Variants in GRIK1 observed in about 807,000 individuals in gnomAD.
The protein encoded by GRIK1 is glutamate receptor ionotropic, kainate 1.
In GRIK1, 69 loss-of-function variants were observed where a neutral mutation model predicts 105.7. That is an observed-to-expected ratio of 0.65 (90% CI 0.54 to 0.80). The LOEUF is 0.80. Ranked by LOEUF, GRIK1 falls within the 30% of genes least tolerant of loss-of-function variation. GRIK1 has a pLI of 0.00. For missense variants in GRIK1, 1,109 were observed against 1,167.3 expected (o/e 0.95, Z 0.73); for synonymous variants, 438 against 431.3 (o/e 1.02, Z -0.19).
At chr21:29,645,845 A>G (rs914254746) in intron 6 of GRIK1, among the ~76,000 whole-genome samples, 2 of 152,212 alleles carry the variant, frequency 1.3e-5, no homozygotes, top group Non-Finnish European at 2.9e-5. Flanking sequence ...ACATTGCTCA[A>G]TGACCCTAAG....
intron 4 of GRIK1, 63 bp from the exon 5 acceptor site, chr21:29,654,926 C>T: frequency 2.1e-6 from 2 of 948,634 alleles, no homozygotes; most frequent in South Asian, 2.6e-5. Flanking sequence ...GGGATAATTT[C>T]TAGGGTGACT....
At chr21:29,596,388 C>T (rs1459253723) in intron 9 of GRIK1, 138 bp downstream of exon 9, 1 of 773,108 alleles carries the variant, frequency 1.3e-6, no homozygotes, top group South Asian at 1.4e-5. Context: ...AATCACTCCT[C>T]TCTCTTTACA....
In GRIK1 at chr21:29,876,027, G is replaced by A. The variant is rs11910111; in HGVS notation, c.118+63356C>T. ...TGAAATGGTGATATAATTCTTAAAG[G>A]GCACCTTTGTCAACTAGGCACAGAG... On this transcript the variant is annotated intron_variant, in intron 1 of 17. Coordinates refer to ENST00000327783, the MANE Select transcript of GRIK1 (RefSeq NM_001330994.2). 4.5e-3 allele frequency among the ~76,000 whole-genome samples: 680 copies of A among 151,902 alleles called. 3 individuals carry two copies. Among genetic ancestry groups the A allele is most frequent in the African/African-American group, 0.015 (619 of 41,400 alleles).
intron 1 of GRIK1, among the ~76,000 whole-genome samples, chr21:29,888,000 A>T (rs1426156378): frequency 1.3e-5 from 2 of 151,580 alleles, no homozygotes; most frequent in African/African-American, 4.8e-5. Flanking sequence ...GTATCAGGTG[A>T]ACTATGGTAA....
chr21:29,701,741 C>T (rs1043629986), intron 1 of GRIK1, among the ~76,000 whole-genome samples: 8 of 152,058 alleles, frequency 5.3e-5, no homozygotes, highest in African/African-American at 2.4e-5. Flanking sequence ...ACACTCTTGC[C>T]GTAAGAGTCT....
intron 7 of GRIK1, among the ~76,000 whole-genome samples, chr21:29,621,086 A>G (rs573066137): frequency 6.6e-6 from 1 of 152,032 alleles, no homozygotes; most frequent in Admixed American, 6.6e-5. Flanking sequence ...ACTAAACCCA[A>G]TTGTGAATTA....
At chr21:29,666,108 AAAAT>A (rs1471225598) in intron 4 of GRIK1, among the ~76,000 whole-genome samples, 4 of 152,340 alleles carry the variant, frequency 2.6e-5, no homozygotes, top group African/African-American at 9.6e-5. Context: ...ACAAAAGTGA[AAAAT>A]AAATAAATAA....
At chr21:29,717,881 T>A (rs2064217273) in intron 1 of GRIK1, among the ~76,000 whole-genome samples, 4 of 152,154 alleles carry the variant, frequency 2.6e-5, no homozygotes. Flanking sequence ...AAATCTCATC[T>A]CGAATTTTAG....
chr21:29,883,245 C>A (rs1248873872), intron 1 of GRIK1, among the ~76,000 whole-genome samples: 2 of 152,026 alleles, frequency 1.3e-5, no homozygotes, highest in East Asian at 1.9e-4. Flanking sequence ...TTTCAGCAAC[C>A]ATTTAAATTT....
rs75171482 is a variant in GRIK1 at position 29,663,976 on chromosome 21, T to C, written c.726+9007A>G. On this transcript the variant is annotated intron_variant, in intron 4 of 17. Coordinates refer to ENST00000327783, the MANE Select transcript of GRIK1 (RefSeq NM_001330994.2). The stretch of plus-strand genomic sequence containing the variant: ...AGAAAAGGAGATTGAATCTGAAACA[T>C]ATTCCGAGGGCAGAATCTCCACTGT... Among the ~76,000 whole-genome samples the C allele has an allele frequency of 7.2e-5, 11 of 152,264 alleles. No homozygotes were observed. The East Asian group carries it at 2.1e-3, about 29-fold the overall frequency.
chr21:29,792,652 C>A (rs141953920), intron 1 of GRIK1, among the ~76,000 whole-genome samples: 4 of 152,158 alleles, frequency 2.6e-5, no homozygotes, highest in African/African-American at 9.7e-5. Context: ...ATTAAATATG[C>A]CTGCTCTGAA....
chr21:29,928,531 G>A (rs986919128), intron 1 of GRIK1, among the ~76,000 whole-genome samples: 1 of 152,202 alleles, frequency 6.6e-6, no homozygotes, highest in South Asian at 2.1e-4. Flanking sequence ...GGAAAGCCAA[G>A]ATGAAGGCAG....
At chr21:29,626,048 A>G (rs956865729) in intron 7 of GRIK1, among the ~76,000 whole-genome samples, 4 of 152,168 alleles carry the variant, frequency 2.6e-5, no homozygotes, top group Admixed American at 6.5e-5. Context: ...CCCTAATCCA[A>G]TATCTTAGTC....
chr21:29,666,036 A>G (rs1057006635), intron 4 of GRIK1, among the ~76,000 whole-genome samples: 1 of 152,226 alleles, frequency 6.6e-6, no homozygotes, highest in Non-Finnish European at 1.5e-5. Flanking sequence ...TTCTAATCAC[A>G]GTCCCTCACT....
chr21:29,806,250 A>G (rs1447338217), intron 1 of GRIK1, among the ~76,000 whole-genome samples: 1 of 152,112 alleles, frequency 6.6e-6, no homozygotes, highest in African/African-American at 2.4e-5. Context: ...TGATATTTTA[A>G]TTTAGATTGA....
chr21:29,552,355 TCACA>T (rs2090149309), intron 16 of GRIK1, among the ~76,000 whole-genome samples: 3 of 152,236 alleles, frequency 2.0e-5, no homozygotes, highest in East Asian at 3.9e-4. Context: ...ATATTCTCTG[TCACA>T]ACAAATTAAA....
At chr21:29,565,693 CA>C (rs1211094505) in intron 14 of GRIK1, among the ~76,000 whole-genome samples, 1 of 152,200 alleles carries the variant, frequency 6.6e-6, no homozygotes, top group Non-Finnish European at 1.5e-5. Flanking sequence ...CTCGGCCTCC[CA>C]AAGTGCTGGG....
At position 29,671,142 on chromosome 21, in the gene GRIK1, G is replaced by T. The variant is rs545511095; in HGVS notation, c.726+1841C>A. ...TTTATTTTATTTTATTATTTTTTGGGGACAGAGTCTCACTCTGTTGCCCAG... is the reference window on the plus strand; with the variant it reads ...TTTATTTTATTTTATTATTTTTTGGTGACAGAGTCTCACTCTGTTGCCCAG... On this transcript the variant is annotated intron_variant, in intron 4 of 17. Coordinates refer to ENST00000327783, the MANE Select transcript of GRIK1 (RefSeq NM_001330994.2). Among the ~76,000 whole-genome samples, 126 of 151,684 alleles carry T rather than the reference G, an allele frequency of 8.3e-4. No homozygotes were observed. The Middle Eastern group carries it at 0.014, about 16-fold the overall frequency.
At chr21:29,827,997 CTCTCTGTCTCTCTCTGTG>C (rs761678914) in intron 1 of GRIK1, among the ~76,000 whole-genome samples, 12 of 102,958 alleles carry the variant, frequency 1.2e-4, no homozygotes, top group East Asian at 4.9e-4. Flanking sequence ...CTCTCTCTCT[CTCTCTGTCTCTCTCTGTG>C]TGTGTGTGTG....
Sources: allele counts gnomAD v4.1 joint callset (sites outside exome capture counted in the v4.1 genomes callset), GRCh38; gene constraint gnomAD v4.1.1; transcripts MANE v1.5; gene names NCBI Gene and HGNC (gene_info 2026-07-23, HGNC 2026-07-21).